The following WIPF2 variants were observed in gnomAD, a reference collection of about 807,000 sequenced individuals.
WIPF2 encodes WAS/WASL-interacting protein family member 2.
Under a neutral mutation model 38.8 loss-of-function variants are expected in WIPF2, and 23 were observed. The observed-to-expected ratio is 0.59, with a 90% CI of 0.43 to 0.84. The LOEUF is 0.84. Among genes scored for constraint, WIPF2 ranks in the 40% least tolerant of loss-of-function variants. WIPF2 has a pLI of 0.00. For synonymous variants in WIPF2, 210 were observed against 223.2 expected (o/e 0.94, Z 0.53); for missense variants, 574 against 580.5 (o/e 0.99, Z 0.11).
At chr17:40,226,307 G>A (rs577896949) in intron 1 of WIPF2, among the ~76,000 whole-genome samples, 8 of 151,268 alleles carry the variant, frequency 5.3e-5, no homozygotes, top group Admixed American at 1.3e-4. Context: ...GGGTTCATGC[G>A]ATTATCCTGC....
intron 5 of WIPF2, among the ~76,000 whole-genome samples, chr17:40,271,699 C>T (rs1218041384): frequency 6.6e-6 from 1 of 152,092 alleles, no homozygotes; most frequent in Non-Finnish European, 1.5e-5. Context: ...TAACCTGAGT[C>T]CCAGTTTTCT....
rs778277827 is a variant in WIPF2, at chr17:40,264,936, C to T, written c.760C>T (p.Pro254Ser). ...CCAGTCTCTGGCTCCTCCTCCTCCG[C>T]CTTACCGCCAGCCTCCTGGGGTCCC... ...SGQSLAPPPP[P>S]YRQPPGVPNG... is the part of the protein sequence containing the mutation. Residue 254 changes from proline to serine, a missense_variant, in exon 5 of 8, where the codon CCT becomes TCT. Pro to Ser is a moderately conservative substitution (Grantham distance 74, BLOSUM62 -1). Coordinates refer to ENST00000323571, the MANE Select transcript of WIPF2 (RefSeq NM_133264.5). The T allele has an allele frequency of 8.7e-6, 14 of 1,614,236 alleles. No homozygotes were observed. In the East Asian group the frequency reaches 3.1e-4, roughly 36 times the overall value.
chr17:40,246,468 G>A (rs1598479672), intron 1 of WIPF2, among the ~76,000 whole-genome samples: 1 of 146,852 alleles, frequency 6.8e-6, no homozygotes, highest in Admixed American at 7.0e-5. Context: ...GCACAGTCTC[G>A]GCTCACTGCA....
At chr17:40,226,265 G>GCGAT (rs1362428817) in intron 1 of WIPF2, among the ~76,000 whole-genome samples, 1 of 150,190 alleles carries the variant, frequency 6.7e-6, no homozygotes, top group East Asian at 2.0e-4. Context: ...GTGCAGTGGT[G>GCGAT]CGATCCCAGC....
chr17:40,254,973 A>G (rs2031672945), intron 1 of WIPF2, among the ~76,000 whole-genome samples: 2 of 151,950 alleles, frequency 1.3e-5, no homozygotes, highest in South Asian at 4.1e-4. Flanking sequence ...CAGGTGATTC[A>G]CCTGCCTTCC....
At chr17:40,230,438 A>T (rs2030691824) in intron 1 of WIPF2, among the ~76,000 whole-genome samples, 1 of 152,094 alleles carries the variant, frequency 6.6e-6, no homozygotes, top group South Asian at 2.1e-4. Context: ...ACTAGTGTTG[A>T]TGATGAGACC....
In WIPF2 at chr17:40,284,053, A is replaced by G. The variant is rs1257603552; in HGVS notation, c.*5828A>G. The G allele has an allele frequency of 6.6e-5, 10 of 152,206 alleles. No individual in the cohort carries two copies. The highest frequency in any genetic ancestry group is 6.5e-4 in the Admixed American group (10 of 15,276). 9.4% of individuals were successfully genotyped at this position (152,206 alleles called of 1,614,324 possible). On this transcript the variant is annotated 3_prime_UTR_variant, in exon 8 of 8. Transcript: ENST00000323571. ...AAGGACTCCTTTCATTTTCATCCGT[A>G]CTTCCCAGATGGGCTGAATCTCCGA...
intron 1 of WIPF2, among the ~76,000 whole-genome samples, chr17:40,235,881 AGT>A (rs1376041819): frequency 1.4e-5 from 2 of 145,002 alleles, no homozygotes; most frequent in African/African-American, 5.1e-5. Flanking sequence ...GCCTCTGGAG[AGT>A]GGGACTTTTT....
chr17:40,273,242 C>T (rs185125878), intron 5 of WIPF2, among the ~76,000 whole-genome samples: 174 of 152,150 alleles, frequency 1.1e-3, no homozygotes, highest in Non-Finnish European at 2.1e-3. Flanking sequence ...ATCATGTTGC[C>T]CAGGCTGGTC....
rs2032023741 is a variant in WIPF2, at chr17:40,264,719, C to G, written c.543C>G (p.Pro181=). 6 of 1,611,612 alleles carry G rather than the reference C, an allele frequency of 3.7e-6. No homozygotes were observed. The highest frequency in any genetic ancestry group is 5.1e-6 in the Non-Finnish European group (6 of 1,178,822). ...GCTCCTCTGCCCCTCCCCCACCACC[C>G]CCAGGGCGGCGTGCCAACGCACCCC... ...KHSSSAPPPP[P]PGRRANAPPT... Residue 181 remains proline (P), a synonymous_variant, in exon 5 of 8, where the codon CCC becomes CCG. Transcript: ENST00000323571.
At chr17:40,248,021 G>T (rs2031427491) in intron 1 of WIPF2, among the ~76,000 whole-genome samples, 2 of 151,872 alleles carry the variant, frequency 1.3e-5, no homozygotes, top group South Asian at 4.2e-4. Flanking sequence ...TCTGAAACCT[G>T]GTTGAAAAAT....
intron 1 of WIPF2, among the ~76,000 whole-genome samples, chr17:40,225,319 A>G (rs1319323414): frequency 6.6e-6 from 1 of 150,726 alleles, no homozygotes; most frequent in Non-Finnish European, 1.5e-5. Context: ...CTTGATATCT[A>G]CAGAGGGCTA....
At chr17:40,264,350 A>AAG in intron 4 of WIPF2, 140 bp from the exon 5 acceptor site, 7 of 672,358 alleles carry the variant, frequency 1.0e-5, no homozygotes, top group Admixed American at 3.2e-5. Context: ...AAAAAAAAAA[A>AAG]AAAGAAAAAC....
chr17:40,278,053 A>G, intron 7 of WIPF2, 132 bp from the exon 8 acceptor site: 1 of 1,104,460 alleles, frequency 9.1e-7, no homozygotes, highest in Non-Finnish European at 1.3e-6. Context: ...TAGGCAAAAC[A>G]ATAATAACAC....
intron 1 of WIPF2, among the ~76,000 whole-genome samples, chr17:40,232,877 G>A (rs1386612755): frequency 3.3e-5 from 5 of 151,248 alleles, no homozygotes; most frequent in East Asian, 2.0e-4. Flanking sequence ...ACCTCAGGTC[G>A]TCTGCCCGCC....
Position 40,256,376 on chromosome 17 carries a change from C to A in WIPF2, c.-69-15C>A, listed in dbSNP as rs964924310. 6 of 1,552,960 alleles carry A rather than the reference C, an allele frequency of 3.9e-6. No individual in the cohort carries two copies. Among genetic ancestry groups the A allele is most frequent in the South Asian group, 3.7e-5 (3 of 80,080 alleles). ...TGGTAAAGCTGTTCTTAATGAGTTT[C>A]TTTTTCATTTGCAGGTATATGAATG... On this transcript the variant is annotated splice_polypyrimidine_tract_variant and intron_variant, in intron 1 of 7. Transcript: ENST00000323571.
chr17:40,228,868 G>T (rs899901953), intron 1 of WIPF2, among the ~76,000 whole-genome samples: 2 of 151,528 alleles, frequency 1.3e-5, no homozygotes, highest in East Asian at 3.9e-4. Flanking sequence ...CTCCTATCTC[G>T]AAGTGCCATA....
intron 1 of WIPF2, among the ~76,000 whole-genome samples, chr17:40,224,411 T>TG (rs1567707428): frequency 1.4e-5 from 2 of 147,388 alleles, no homozygotes; most frequent in Non-Finnish European, 1.5e-5. Flanking sequence ...TTTGTATTTT[T>TG]TTTTTTTTTT....
chr17:40,275,875 C>G (rs2032382857), intron 6 of WIPF2, among the ~76,000 whole-genome samples: 1 of 152,166 alleles, frequency 6.6e-6, no homozygotes, highest in African/African-American at 2.4e-5. Flanking sequence ...CTTCTAGATT[C>G]TTTAATGGTT....
Sources: allele counts gnomAD v4.1 joint callset (sites outside exome capture counted in the v4.1 genomes callset), GRCh38; gene constraint gnomAD v4.1.1; transcripts MANE v1.5; gene names NCBI Gene and HGNC (gene_info 2026-07-23, HGNC 2026-07-21).